Variants in NADSYN1 observed in about 807,000 individuals in gnomAD.
NADSYN1 encodes the protein NAD synthetase 1.
NADSYN1 carries 80 observed loss-of-function variants against 99.3 expected under a neutral mutation model. That is an observed-to-expected ratio of 0.81 (90% CI 0.67 to 0.97). The LOEUF is 0.97. NADSYN1 is among the 50% of genes least tolerant of loss of function. The pLI is 0.00. For synonymous variants in NADSYN1, 385 were observed against 372.1 expected, an observed-to-expected ratio of 1.03 and a Z score of -0.40; for missense variants, 859 against 948.5, an observed-to-expected ratio of 0.91 and a Z score of 1.24.
intron 1 of NADSYN1, among the ~76,000 whole-genome samples, chr11:71,453,639 G>T (rs1661170974): frequency 6.6e-6 from 1 of 152,354 alleles, no homozygotes; most frequent in Admixed American, 6.5e-5. Context: ...TAGGCGGGAG[G>T]CCTGGGGATG....
Position 71,494,189 on chromosome 11 carries a change from CTT to C in NADSYN1, c.1764+2287_1764+2288del, listed in dbSNP as rs1491341914. The stretch of plus-strand genomic sequence containing the variant: ...TCACTCCCTGACTCACCCAGAGCGG[CTT>C]CCAGTCCTGCAAGCTCCAGTCCTGG... On this transcript the variant is annotated intron_variant, in intron 18 of 20. Transcript: ENST00000319023. 2.6e-5 allele frequency among the ~76,000 whole-genome samples: 4 copies of C among 152,352 alleles called. No individual in the cohort carries two copies. The South Asian group carries it at 8.3e-4, about 32-fold the overall frequency.
chr11:71,454,552 CTCATTTGCTCAGAGCA>C (rs2120381893), intron 1 of NADSYN1, among the ~76,000 whole-genome samples: 1 of 151,298 alleles, frequency 6.6e-6, no homozygotes, highest in South Asian at 2.1e-4. Context: ...CTGCTTTCAC[CTCATTTGCTCAGAGCA>C]AATCTAGTTG....
intron 16 of NADSYN1, among the ~76,000 whole-genome samples, chr11:71,488,360 A>G (rs536709313): frequency 6.6e-6 from 1 of 152,012 alleles, no homozygotes; most frequent in South Asian, 2.1e-4. Flanking sequence ...GGAGGGCCCT[A>G]CTGAGAAGTG....
At chr11:71,458,353 G>C in intron 2 of NADSYN1, 75 bp from the exon 3 acceptor site, 1 of 1,116,536 alleles carries the variant, frequency 9.0e-7, no homozygotes, top group East Asian at 2.4e-5. Flanking sequence ...GTTCAGACTG[G>C]ACTGGCCCAC....
chr11:71,477,150 G>A (rs1350982065), intron 9 of NADSYN1: 17 of 1,137,016 alleles, frequency 1.5e-5, no homozygotes, highest in African/African-American at 3.3e-5. Flanking sequence ...CGTCGGGCCC[G>A]CGTTTCTCAG....
intron 15 of NADSYN1, 119 bp downstream of exon 15, chr11:71,484,566 C>G: frequency 1.4e-6 from 2 of 1,400,932 alleles, no homozygotes; most frequent in South Asian, 2.8e-5. Flanking sequence ...CTCATGGCAC[C>G]GGTTACCTAG....
At position 71,472,432 on chromosome 11, in the gene NADSYN1, G is replaced by C. The variant is rs116121000; in HGVS notation, c.408-17G>C. On this transcript the variant is annotated splice_polypyrimidine_tract_variant and intron_variant, in intron 5 of 20. Transcript: ENST00000319023. ...CTGAGATGCTCATCCTCAGCTCCTC[G>C]GTGTTTTCCTCTCCAGGCACACAGA... The C allele has an allele frequency of 6.2e-7, 1 of 1,600,954 alleles. No individual in the cohort carries two copies. Among genetic ancestry groups the C allele is most frequent in the Admixed American group, 1.7e-5 (1 of 60,012 alleles).
intron 11 of NADSYN1, 164 bp downstream of exon 11, chr11:71,481,043 C>A: frequency 2.1e-6 from 2 of 971,322 alleles, no homozygotes; most frequent in Non-Finnish European, 3.0e-6. Flanking sequence ...ATGCTAGAGC[C>A]AGAACCCCTG....
chr11:71,482,280 G>A (rs1344109092), intron 13 of NADSYN1, among the ~76,000 whole-genome samples: 2 of 152,226 alleles, frequency 1.3e-5, no homozygotes, highest in Admixed American at 6.5e-5. Context: ...CTCTGTGCAC[G>A]GTGTGGCCTG....
chr11:71,492,366 C>T (rs774614638), intron 18 of NADSYN1, among the ~76,000 whole-genome samples: 1 of 152,098 alleles, frequency 6.6e-6, no homozygotes, highest in Non-Finnish European at 1.5e-5. Context: ...GTCACCAGGA[C>T]TTGCTGCTAT....
At chr11:71,457,483 C>G (rs1176500033) in intron 2 of NADSYN1, among the ~76,000 whole-genome samples, 3 of 152,220 alleles carry the variant, frequency 2.0e-5, no homozygotes, top group Non-Finnish European at 2.9e-5. Context: ...ATTATGGGAA[C>G]CCCAATACTA....
In NADSYN1 at chr11:71,464,037, G is replaced by T. The variant is rs367641852; in HGVS notation, c.318-16G>T. 2 of 1,602,582 alleles carry T rather than the reference G, an allele frequency of 1.2e-6. No individual in the cohort carries two copies. The highest frequency in any genetic ancestry group is 8.5e-7 in the Non-Finnish European group (1 of 1,173,302). On this transcript the variant is annotated splice_polypyrimidine_tract_variant and intron_variant, in intron 4 of 20. Coordinates refer to ENST00000319023, the MANE Select transcript of NADSYN1 (RefSeq NM_018161.5). ...TCAGGAGCCCGGTGTGCACAGCCCT[G>T]TTCCCCTGTCTGCAGGAAGATCCTG...
chr11:71,466,417 T>G (rs1473432817), intron 5 of NADSYN1, among the ~76,000 whole-genome samples: 1 of 152,128 alleles, frequency 6.6e-6, no homozygotes, highest in Non-Finnish European at 1.5e-5. Context: ...TGGTTCCCAG[T>G]GGGATGATGT....
intron 14 of NADSYN1, among the ~76,000 whole-genome samples, chr11:71,483,570 G>C (rs1184877343): frequency 6.6e-6 from 1 of 152,136 alleles, no homozygotes; most frequent in African/African-American, 2.4e-5. Context: ...AGAAAGACTG[G>C]GTTCTATCTA....
At chr11:71,473,027 G>C (rs947809296) in intron 6 of NADSYN1, among the ~76,000 whole-genome samples, 3 of 152,212 alleles carry the variant, frequency 2.0e-5, no homozygotes, top group Non-Finnish European at 4.4e-5. Flanking sequence ...CGATGTCCGT[G>C]ACATTCTGCC....
intron 14 of NADSYN1, among the ~76,000 whole-genome samples, chr11:71,483,700 G>C (rs1949724260): frequency 6.6e-6 from 1 of 152,196 alleles, no homozygotes; most frequent in Non-Finnish European, 1.5e-5. Context: ...TATGTACTCA[G>C]AGGAATCAGA....
chr11:71,479,648 C>T (rs1183357858), intron 10 of NADSYN1: 1 of 150,904 alleles, frequency 6.6e-6, no homozygotes, highest in Admixed American at 6.6e-5. Context: ...TGAAATCACA[C>T]AGTGTATGGC....
chr11:71,484,702 C>T (rs894235747), intron 15 of NADSYN1: 80 of 497,170 alleles, frequency 1.6e-4, no homozygotes, highest in African/African-American at 1.4e-3. Flanking sequence ...AGAGCAAGAG[C>T]GGGGGTGTAA....
intron 9 of NADSYN1, 66 bp downstream of exon 9, chr11:71,474,592 C>T: frequency 3.7e-6 from 6 of 1,604,220 alleles, no homozygotes; most frequent in Non-Finnish European, 5.1e-6. Context: ...TCCTGGCTCT[C>T]CCCTGTAAGC....
Sources: gnomAD v4.1 joint callset for allele counts (sites outside exome capture counted in the v4.1 genomes callset) on GRCh38, gnomAD v4.1.1 for gene constraint, MANE v1.5 for transcripts, NCBI Gene and HGNC (gene_info 2026-07-23, HGNC 2026-07-21) for gene names.